NEDD4L: variants seen among roughly 807,000 people sequenced by gnomAD.
NEDD4L encodes the protein NEDD4 like E3 ubiquitin protein ligase, also known as E3 ubiquitin-protein ligase NEDD4-like.
A neutral mutation model predicts 148.9 loss-of-function variants in NEDD4L; 54 were observed. That is an observed-to-expected ratio of 0.36 (90% CI 0.29 to 0.45). The LOEUF (loss-of-function observed/expected upper bound fraction) is 0.45, where lower values mean the gene tolerates loss of function less well. Among genes scored for constraint, NEDD4L ranks in the 20% least tolerant of loss-of-function variants. The pLI, the probability that NEDD4L is intolerant of heterozygous loss-of-function variation, is 1.00. For synonymous variants in NEDD4L, 433 were observed against 440.7 expected (o/e 0.98, Z 0.22); for missense variants, 856 against 1,233.8 (o/e 0.69, Z 4.59).
chr18:58,107,881 AT>A (rs147525147), intron 1 of NEDD4L, among the ~76,000 whole-genome samples: 4 of 149,864 alleles, frequency 2.7e-5, no homozygotes, highest in Non-Finnish European at 3.0e-5. Flanking sequence ...TGCCCAGCTA[AT>A]TTTTTTTTTG....
intron 2 of NEDD4L, among the ~76,000 whole-genome samples, chr18:58,180,324 G>A (rs902091317): frequency 1.3e-5 from 2 of 152,154 alleles, no homozygotes; most frequent in Non-Finnish European, 2.9e-5. Context: ...CGGGTGCACA[G>A]TCCTTGGCTC....
At position 58,343,029 on chromosome 18, in the gene NEDD4L, C is replaced by G. The variant is rs1214237303; in HGVS notation, c.1501C>G (p.Pro501Ala). 1.9e-6 allele frequency: 3 copies of G among 1,613,470 alleles called. No individual in the cohort carries two copies. The highest frequency in any genetic ancestry group is 2.5e-6 in the Non-Finnish European group (3 of 1,179,704). ...QHKVTQSFLP[P>A]GWEMRIAPNG... The stretch of plus-strand genomic sequence containing the variant: ...CAAAGTCACACAGAGCTTCTTGCCA[C>G]CCGGCTGGGAAATGAGGATAGCGCC... The change falls in exon 16 of 31, where the codon CCC becomes GCC. Residue 501 changes from proline (P) to alanine (A), a missense_variant. By Grantham distance (27) the Pro-to-Ala change is conservative (BLOSUM62 -1). This residue lies in a region of NEDD4L where 367 missense variants were observed against 422.7 expected (regional missense o/e 0.87). Transcript: ENST00000400345.
chr18:58,098,518 CCTTG>C (rs1165548618), intron 1 of NEDD4L, among the ~76,000 whole-genome samples: 1 of 152,172 alleles, frequency 6.6e-6, no homozygotes, highest in Non-Finnish European at 1.5e-5. Flanking sequence ...GGGTTTGAAT[CCTTG>C]CTTGGCCATC....
chr18:58,243,506 G>A (rs1044402627), intron 2 of NEDD4L, among the ~76,000 whole-genome samples: 1 of 152,216 alleles, frequency 6.6e-6, no homozygotes, highest in African/African-American at 2.4e-5. Context: ...TTCTACCCCG[G>A]ATTGAATTCA....
chr18:58,130,592 G>A (rs1382249627), intron 1 of NEDD4L, among the ~76,000 whole-genome samples: 1 of 145,304 alleles, frequency 6.9e-6, no homozygotes, highest in Non-Finnish European at 1.5e-5. Flanking sequence ...GGCTCTGTTG[G>A]GGTTTGGTTG....
chr18:58,132,826 T>G (rs1196438496), intron 1 of NEDD4L, among the ~76,000 whole-genome samples: 1 of 152,172 alleles, frequency 6.6e-6, no homozygotes, highest in Non-Finnish European at 1.5e-5. Flanking sequence ...TTAAGAAAAT[T>G]GTCAAAACAA....
intron 4 of NEDD4L, among the ~76,000 whole-genome samples, chr18:58,249,260 G>T (rs1473391421): frequency 6.6e-6 from 1 of 152,130 alleles, no homozygotes; most frequent in Non-Finnish European, 1.5e-5. Flanking sequence ...TATGAGACGG[G>T]TTATGAAATA....
At chr18:58,362,319 G>A (rs1303674920) in intron 19 of NEDD4L, among the ~76,000 whole-genome samples, 2 of 152,358 alleles carry the variant, frequency 1.3e-5, no homozygotes, top group East Asian at 3.9e-4. Context: ...TAACAGTGAT[G>A]TTTGGAGAAC....
At chr18:58,374,900 C>CG (rs2047359816) in intron 24 of NEDD4L, among the ~76,000 whole-genome samples, 1 of 152,132 alleles carries the variant, frequency 6.6e-6, no homozygotes, top group African/African-American at 2.4e-5. Context: ...CACCCATCTC[C>CG]GCTCACCACC....
chr18:58,384,684 C>A (rs1288130449), intron 25 of NEDD4L, among the ~76,000 whole-genome samples: 1 of 152,170 alleles, frequency 6.6e-6, no homozygotes, highest in Non-Finnish European at 1.5e-5. Flanking sequence ...CTCCCTGATA[C>A]CTCTGCTCCC....
intron 1 of NEDD4L, among the ~76,000 whole-genome samples, chr18:58,156,174 G>A (rs780364214): frequency 2.0e-5 from 3 of 152,124 alleles, no homozygotes; most frequent in Non-Finnish European, 4.4e-5. Context: ...CTAGTCCAGC[G>A]ACCAGCCCAT....
At chr18:58,229,528 T>C (rs942072346) in intron 2 of NEDD4L, among the ~76,000 whole-genome samples, 1 of 152,240 alleles carries the variant, frequency 6.6e-6, no homozygotes, top group African/African-American at 2.4e-5. Context: ...CAGTACTTAA[T>C]ATAATTGTCA....
intron 5 of NEDD4L, among the ~76,000 whole-genome samples, chr18:58,289,017 A>G (rs1850962636): frequency 6.6e-6 from 1 of 152,186 alleles, no homozygotes; most frequent in African/African-American, 2.4e-5. Flanking sequence ...TTATTCTGAG[A>G]ATTTAAGTGT....
chr18:58,294,646 A>G (rs1460835499), intron 5 of NEDD4L, among the ~76,000 whole-genome samples: 2 of 151,920 alleles, frequency 1.3e-5, no homozygotes, highest in Non-Finnish European at 2.9e-5. Context: ...CTCATAGGTA[A>G]AAGGAGTTGA....
chr18:58,390,841 C>T, intron 29 of NEDD4L, 99 bp downstream of exon 29: 1 of 826,218 alleles, frequency 1.2e-6, no homozygotes, highest in Non-Finnish European at 2.1e-6. Context: ...CTGCAGAAGG[C>T]TAAGTTTCAG....
chr18:58,331,747 C>T (rs1042508385), intron 11 of NEDD4L, among the ~76,000 whole-genome samples: 2 of 151,752 alleles, frequency 1.3e-5, no homozygotes, highest in Non-Finnish European at 2.9e-5. Flanking sequence ...AAATGGCATC[C>T]TAAAAAAAAA....
chr18:58,073,000 T>C (rs545849273), intron 1 of NEDD4L, among the ~76,000 whole-genome samples: 1 of 152,160 alleles, frequency 6.6e-6, no homozygotes, highest in Admixed American at 6.5e-5. Context: ...CATGATACAG[T>C]AGTATCAAAA....
chr18:58,215,234 G>A (rs1296098593), intron 2 of NEDD4L, among the ~76,000 whole-genome samples: 1 of 152,192 alleles, frequency 6.6e-6, no homozygotes, highest in Non-Finnish European at 1.5e-5. Context: ...GCCTTCTGTA[G>A]TACTGCACTA....
chr18:58,089,126 ATTT>A (rs570623396), intron 1 of NEDD4L, among the ~76,000 whole-genome samples: 1,170 of 100,880 alleles, frequency 0.012, 8 homozygotes, highest in African/African-American at 0.043. Flanking sequence ...TTATTTCATA[ATTT>A]TTTTTTTTTT....
Sources: gnomAD v4.1 joint callset for allele counts (sites outside exome capture counted in the v4.1 genomes callset) on GRCh38, gnomAD v4.1.1 for gene constraint, gnomAD v4.1.1 regional missense constraint, MANE v1.5 for transcripts, NCBI Gene and HGNC (gene_info 2026-07-23, HGNC 2026-07-21) for gene names.